The following ADCY2 variants were observed in gnomAD, a reference collection of about 807,000 sequenced individuals.
The protein encoded by ADCY2 is adenylate cyclase 2.
Under a neutral mutation model 125.2 loss-of-function variants are expected in ADCY2, and 31 were observed. The ratio of observed to expected loss-of-function variants is 0.25; its 90% confidence interval spans 0.19 to 0.33. The LOEUF (loss-of-function observed/expected upper bound fraction) is 0.33, where lower values mean the gene tolerates loss of function less well. Among genes scored for constraint, ADCY2 ranks in the 10% least tolerant of loss-of-function variants. ADCY2 has a pLI of 1.00. For missense variants in ADCY2, 904 were observed against 1,418.2 expected (o/e 0.64, Z 5.82); for synonymous variants, 512 against 548.4 (o/e 0.93, Z 0.93).
At chr5:7,683,480 G>A (rs978055482) in intron 4 of ADCY2, among the ~76,000 whole-genome samples, 2 of 152,240 alleles carry the variant, frequency 1.3e-5, no homozygotes, top group African/African-American at 4.8e-5. Context: ...TAGGGGGACT[G>A]CCACTTTGCA....
At chr5:7,753,137 T>A (rs1414489367) in intron 15 of ADCY2, among the ~76,000 whole-genome samples, 4 of 152,178 alleles carry the variant, frequency 2.6e-5, no homozygotes, top group Admixed American at 6.5e-5. Context: ...GACCTCATGA[T>A]CTGCCCATCT....
At chr5:7,650,466 TA>T (rs1388168088) in intron 4 of ADCY2, among the ~76,000 whole-genome samples, 9 of 152,242 alleles carry the variant, frequency 5.9e-5, no homozygotes, top group African/African-American at 2.2e-4. Context: ...AGTAATGTCT[TA>T]AAAAATACTT....
Position 7,683,298 on chromosome 5 carries a change from G to A in ADCY2, c.721-7393G>A, listed in dbSNP as rs77156987. Among the ~76,000 whole-genome samples the A allele has an allele frequency of 8.5e-5, 13 of 152,346 alleles. No individual in the cohort carries two copies. The East Asian group carries it at 1.7e-3, about 20-fold the overall frequency. ...GAGTGAATGAGTGACCTCTCCCCAC[G>A]TCAGAGCAGCTGAGAAAATCCTAAG... On this transcript the variant is annotated intron_variant, in intron 4 of 24. Transcript: ENST00000338316.
intron 20 of ADCY2, chr5:7,797,357 G>C (rs569516628): frequency 6.6e-6 from 1 of 152,226 alleles, no homozygotes; most frequent in African/African-American, 2.4e-5. Context: ...AGACCTGAGC[G>C]CCGGTGGCAG....
intron 2 of ADCY2, among the ~76,000 whole-genome samples, chr5:7,508,085 A>AT (rs1491350271): frequency 6.6e-6 from 1 of 152,164 alleles, no homozygotes; most frequent in East Asian, 1.9e-4. Context: ...AGACTTTATC[A>AT]TACAATTCAA....
At chr5:7,522,936 CA>C (rs946787466) in intron 3 of ADCY2, among the ~76,000 whole-genome samples, 10 of 140,026 alleles carry the variant, frequency 7.1e-5, no homozygotes, top group African/African-American at 1.8e-4. Context: ...AAAAAAAAAA[CA>C]AAAAAAAACA....
chr5:7,528,756 CT>C (rs556796535), intron 3 of ADCY2, among the ~76,000 whole-genome samples: 46 of 152,298 alleles, frequency 3.0e-4, no homozygotes, highest in African/African-American at 8.4e-4. Context: ...TGATTTTTCT[CT>C]TAATTTCCCC....
At chr5:7,584,295 GA>G (rs1167699035) in intron 3 of ADCY2, among the ~76,000 whole-genome samples, 2 of 151,868 alleles carry the variant, frequency 1.3e-5, no homozygotes, top group South Asian at 2.1e-4. Context: ...TATCATTTCG[GA>G]AAAAAATAAG....
chr5:7,762,861 G>A (rs932006254), intron 16 of ADCY2, among the ~76,000 whole-genome samples: 1 of 152,070 alleles, frequency 6.6e-6, no homozygotes, highest in Non-Finnish European at 1.5e-5. Context: ...ACAGTTATTT[G>A]TGTTGGTGGA....
At chr5:7,527,903 G>A (rs537103702) in intron 3 of ADCY2, among the ~76,000 whole-genome samples, 178 of 152,264 alleles carry the variant, frequency 1.2e-3, no homozygotes, top group African/African-American at 4.0e-3. Flanking sequence ...CCAGCTGCCC[G>A]GTTTCTGGCT....
At chr5:7,710,445 A>G (rs1020184123) in intron 10 of ADCY2, among the ~76,000 whole-genome samples, 2 of 152,358 alleles carry the variant, frequency 1.3e-5, no homozygotes, top group Non-Finnish European at 2.9e-5. Context: ...GAGGGCCATG[A>G]GGAAGATAAA....
rs79413028 is a variant in ADCY2, at chr5:7,436,021, A to G, written c.408+21251A>G. On this transcript the variant is annotated intron_variant, in intron 2 of 24. Transcript: ENST00000338316. The stretch of plus-strand genomic sequence containing the variant: ...TCAGTTTCCATTATTTGCAGGTTCC[A>G]TATTTGTGAATTTACCTACTCTCTG... 8.0e-3 allele frequency among the ~76,000 whole-genome samples: 1,213 copies of G among 152,334 alleles called. 18 individuals are homozygous for G. The highest frequency in any genetic ancestry group is 0.027 in the African/African-American group (1,138 of 41,580).
chr5:7,745,291 G>A (rs890300951), intron 15 of ADCY2, among the ~76,000 whole-genome samples: 4 of 152,282 alleles, frequency 2.6e-5, no homozygotes, highest in Admixed American at 1.3e-4. Flanking sequence ...TTCCGCAGTC[G>A]ACTGTAAGCA....
intron 4 of ADCY2, among the ~76,000 whole-genome samples, chr5:7,673,269 A>AAAAATATATATATATATATAT (rs1554030659): frequency 5.1e-4 from 2 of 3,932 alleles, no homozygotes; most frequent in East Asian, 8.1e-3. Context: ...AAAAAAAAAA[A>AAAAATATATATATATATATAT]ATATATATAT....
intron 2 of ADCY2, among the ~76,000 whole-genome samples, chr5:7,508,042 C>T (rs1475750524): frequency 6.6e-6 from 1 of 151,774 alleles, no homozygotes; most frequent in Non-Finnish European, 1.5e-5. Flanking sequence ...TGTAATATTT[C>T]ACTTTTTTCA....
intron 2 of ADCY2, among the ~76,000 whole-genome samples, chr5:7,483,195 A>C (rs960591912): frequency 6.6e-6 from 1 of 152,188 alleles, no homozygotes; most frequent in Non-Finnish European, 1.5e-5. Context: ...AAAATGACAA[A>C]TGTTTGAGGT....
At chr5:7,594,665 C>T (rs561247294) in intron 3 of ADCY2, among the ~76,000 whole-genome samples, 244 of 152,266 alleles carry the variant, frequency 1.6e-3, no homozygotes, top group African/African-American at 5.7e-3. Flanking sequence ...TTGATGAGAG[C>T]AGGGGACTTG....
intron 1 of ADCY2, among the ~76,000 whole-genome samples, chr5:7,402,602 C>T (rs1739305885): frequency 1.3e-5 from 2 of 151,996 alleles, no homozygotes; most frequent in Non-Finnish European, 2.9e-5. Context: ...ACAATTGTGC[C>T]AAGACAAAGA....
At chr5:7,824,174 C>T (rs893299991) in intron 24 of ADCY2, among the ~76,000 whole-genome samples, 2 of 152,086 alleles carry the variant, frequency 1.3e-5, no homozygotes, top group Non-Finnish European at 2.9e-5. Context: ...TTCTCCTAGG[C>T]CTGAGGAACG....
Sources: allele counts gnomAD v4.1 joint callset (sites outside exome capture counted in the v4.1 genomes callset), GRCh38; gene constraint gnomAD v4.1.1; transcripts MANE v1.5; gene names NCBI Gene and HGNC (gene_info 2026-07-23, HGNC 2026-07-21).